The following KHDRBS2 variants were observed in gnomAD, a reference collection of about 807,000 sequenced individuals.
KHDRBS2 encodes KH RNA binding domain containing, signal transduction associated 2.
Under a neutral mutation model 44.3 loss-of-function variants are expected in KHDRBS2, and 26 were observed. The observed-to-expected ratio is 0.59, with a 90% CI of 0.43 to 0.81. The LOEUF (loss-of-function observed/expected upper bound fraction) is 0.81. KHDRBS2 is among the 40% of genes least tolerant of loss of function. The probability of loss-of-function intolerance (pLI) is 0.00; values close to 1 mark genes in which losing one functional copy is unlikely to be tolerated. For synonymous variants in KHDRBS2, 194 were observed against 151.1 expected (o/e 1.28, Z -2.08); for missense variants, 476 against 433.1 (o/e 1.10, Z -0.88).
intron 2 of KHDRBS2, among the ~76,000 whole-genome samples, chr6:62,116,727 T>A (rs572585487): frequency 6.6e-6 from 1 of 152,286 alleles, no homozygotes; most frequent in South Asian, 2.1e-4. Context: ...ACCATATATA[T>A]GTATAAATGC....
intron 6 of KHDRBS2, among the ~76,000 whole-genome samples, chr6:61,877,601 A>G (rs1222138325): frequency 6.6e-6 from 1 of 151,900 alleles, no homozygotes; most frequent in East Asian, 1.9e-4. Flanking sequence ...AATTTCTGAC[A>G]AATAATAAAG....
In KHDRBS2 at chr6:61,894,702, C is replaced by G. The variant is rs747431309; in HGVS notation, c.743G>C (p.Arg248Pro). The G allele has an allele frequency of 2.5e-6, 4 of 1,613,422 alleles. No homozygotes were observed. Among genetic ancestry groups the G allele is most frequent in the Admixed American group, 1.7e-5 (1 of 59,928 alleles). ...GTATCCTGGCACTGTTGGTGCCCCC[C>G]GGGCTCGAGGGGTAGGGACACCTCT... ...VARGVPTPRA[R>P]GAPTVPGYRA... Residue 248 changes from arginine to proline, a missense_variant, in exon 6 of 9, where the codon CGG (arginine) becomes CCG (proline). Physicochemically the swap from Arg to Pro is moderately radical, Grantham distance 103. Transcript: ENST00000281156.
intron 1 of KHDRBS2, among the ~76,000 whole-genome samples, chr6:62,283,157 T>C (rs546014412): frequency 2.6e-5 from 4 of 152,180 alleles, no homozygotes; most frequent in Admixed American, 6.5e-5. Flanking sequence ...ATTATTTTAA[T>C]TATTTAAGCA....
At chr6:61,664,125 CACACTT>C in the KHDRBS2 span, among the ~76,000 whole-genome samples, 1 of 151,720 alleles carries the variant, frequency 6.6e-6, no homozygotes, top group Admixed American at 6.6e-5. Flanking sequence ...CTTGTAACAC[CACACTT>C]ACTGATCTTT....
chr6:61,546,628 A>G, the KHDRBS2 span, among the ~76,000 whole-genome samples: 1 of 152,186 alleles, frequency 6.6e-6, no homozygotes, highest in Non-Finnish European at 1.5e-5. Context: ...GGTTAATAAA[A>G]AACAAGTAAG....
chr6:61,551,214 A>G, the KHDRBS2 span, among the ~76,000 whole-genome samples: 3 of 151,518 alleles, frequency 2.0e-5, no homozygotes, highest in African/African-American at 7.3e-5. Context: ...AATGGGGTTG[A>G]TTGTTTTTTG....
chr6:62,165,555 T>C (rs1482392084), intron 2 of KHDRBS2, among the ~76,000 whole-genome samples: 3 of 151,890 alleles, frequency 2.0e-5, no homozygotes, highest in Admixed American at 6.6e-5. Flanking sequence ...CAATCTTGCA[T>C]TCCTGAAATG....
At chr6:61,940,278 C>G (rs1020948640) in intron 4 of KHDRBS2, among the ~76,000 whole-genome samples, 1 of 151,550 alleles carries the variant, frequency 6.6e-6, no homozygotes, top group Non-Finnish European at 1.5e-5. Flanking sequence ...ACATTAAAAA[C>G]CTATATGGAA....
At chr6:61,972,660 G>GT (rs934936323) in intron 4 of KHDRBS2, among the ~76,000 whole-genome samples, 1 of 152,110 alleles carries the variant, frequency 6.6e-6, no homozygotes, top group African/African-American at 2.4e-5. Flanking sequence ...ATTGAACTTT[G>GT]TTTTTAAATT....
In KHDRBS2 at chr6:62,285,867, A is replaced by G; in HGVS notation, c.82T>C (p.Leu28=). The change falls in exon 1 of 9, where the codon TTG becomes CTG. Residue 28 remains leucine, a synonymous_variant. Coordinates refer to ENST00000281156, the MANE Select transcript of KHDRBS2 (RefSeq NM_152688.4). ...TGGGGGCAAGTCCTACCTTCTGCCA[A>G]AAGGCGCGACGCATGCACAAAAGAT... ...DPSFVHASRL[L]AEEIEKFQGS... 6.2e-7 allele frequency: 1 copy of G among 1,612,378 alleles called. No homozygotes were observed. Among genetic ancestry groups the G allele is most frequent in the African/African-American group, 1.3e-5 (1 of 74,848 alleles).
At chr6:61,769,537 C>T (rs553835695) in intron 6 of KHDRBS2, among the ~76,000 whole-genome samples, 71 of 152,328 alleles carry the variant, frequency 4.7e-4, no homozygotes, top group African/African-American at 1.6e-3. Flanking sequence ...CTCAGAGGGT[C>T]CTACTGGCTT....
chr6:62,180,181 A>G (rs1400912651), intron 1 of KHDRBS2, among the ~76,000 whole-genome samples: 2 of 151,894 alleles, frequency 1.3e-5, no homozygotes, highest in African/African-American at 4.8e-5. Context: ...TCAACGTACT[A>G]CTGGAAGACC....
At chr6:61,782,684 GT>G (rs1233421835) in intron 6 of KHDRBS2, among the ~76,000 whole-genome samples, 1 of 69,636 alleles carries the variant, frequency 1.4e-5, no homozygotes, top group Non-Finnish European at 3.0e-5. Flanking sequence ...GTGTATAAAG[GT>G]TGTGTATATA....
intron 3 of KHDRBS2, among the ~76,000 whole-genome samples, chr6:62,001,677 T>A (rs746703136): frequency 2.6e-5 from 4 of 152,134 alleles, no homozygotes; most frequent in Non-Finnish European, 5.9e-5. Context: ...GTATTACTTC[T>A]AGAATTTGTT....
chr6:61,745,699 A>G (rs1776761513), intron 6 of KHDRBS2, among the ~76,000 whole-genome samples: 1 of 152,200 alleles, frequency 6.6e-6, no homozygotes, highest in Non-Finnish European at 1.5e-5. Flanking sequence ...AAAAGGGCAT[A>G]GACATATCTT....
chr6:61,628,502 T>A, the KHDRBS2 span, among the ~76,000 whole-genome samples: 1 of 152,142 alleles, frequency 6.6e-6, no homozygotes, highest in South Asian at 2.1e-4. Flanking sequence ...AACCTTATCT[T>A]CTCTTCCTTC....
chr6:62,044,610 A>G (rs150964706), intron 3 of KHDRBS2, among the ~76,000 whole-genome samples: 1 of 152,214 alleles, frequency 6.6e-6, no homozygotes, highest in Non-Finnish European at 1.5e-5. Flanking sequence ...AGGTGAGGCA[A>G]ACATGTTTAT....
intron 3 of KHDRBS2, among the ~76,000 whole-genome samples, chr6:61,997,758 C>A (rs1174107046): frequency 6.6e-6 from 1 of 152,112 alleles, no homozygotes; most frequent in African/African-American, 2.4e-5. Flanking sequence ...AGGCCTTGTT[C>A]CCTACTAACT....
intron 1 of KHDRBS2, among the ~76,000 whole-genome samples, chr6:62,200,013 G>A (rs1413103489): frequency 6.6e-6 from 1 of 152,128 alleles, no homozygotes; most frequent in East Asian, 1.9e-4. Context: ...AAATGGTGCT[G>A]GGAAAACTGG....
Sources: allele counts gnomAD v4.1 joint callset (sites outside exome capture counted in the v4.1 genomes callset), GRCh38; gene constraint gnomAD v4.1.1; transcripts MANE v1.5; gene names NCBI Gene and HGNC (gene_info 2026-07-23, HGNC 2026-07-21).